VEGFC: variants seen among roughly 807,000 people sequenced by gnomAD.
The protein encoded by VEGFC is FLT4 ligand DHM.
VEGFC carries 12 observed loss-of-function variants against 46.1 expected under a neutral mutation model. The ratio of observed to expected loss-of-function variants is 0.26; its 90% CI spans 0.17 to 0.42. VEGFC has a LOEUF of 0.42. VEGFC is among the 10% of genes least tolerant of loss of function. VEGFC has a pLI of 1.00. For missense variants in VEGFC, 488 were observed against 529.4 expected, an observed-to-expected ratio of 0.92 and a Z score of 0.77; for synonymous variants, 232 against 195.5, an observed-to-expected ratio of 1.19 and a Z score of -1.56.
At chr4:176,727,630 A>T in intron 3 of VEGFC, 148 bp downstream of exon 3, 4 of 691,360 alleles carry the variant, frequency 5.8e-6, no homozygotes, top group Non-Finnish European at 8.7e-6. Flanking sequence ...AACACTGAAA[A>T]ACTGACTTCA....
At position 176,792,025 on chromosome 4, in the gene VEGFC, G is replaced by T; in HGVS notation, c.147+140C>A. On this transcript the variant is annotated intron_variant, in intron 1 of 6. Coordinates refer to ENST00000618562, the MANE Select transcript of VEGFC (RefSeq NM_005429.5). The surrounding 1 kb of genome is among the most constrained non-coding windows in gnomAD (Gnocchi z 6.3). ...AAGAAGAAGATTTTTCTCCAAAGCA[G>T]CGTGCACTGAGCTCAGTAACTTTGG... 8.6e-7 allele frequency: 1 copy of T among 1,157,282 alleles called. No individual in the cohort carries two copies. The highest frequency in any genetic ancestry group is 1.1e-6 in the Non-Finnish European group (1 of 895,586). The allele number at this position is 1,157,282 out of a possible 1,614,324, so 71.7% of individuals were successfully genotyped here.
intron 4 of VEGFC, among the ~76,000 whole-genome samples, chr4:176,705,559 GT>G (rs1025375815): frequency 7.9e-5 from 12 of 152,026 alleles, no homozygotes; most frequent in Non-Finnish European, 1.3e-4. Flanking sequence ...TTTCCTGGCA[GT>G]TTTTTTGGCT....
chr4:176,775,820 G>A (rs568633013), intron 1 of VEGFC, among the ~76,000 whole-genome samples: 21 of 152,020 alleles, frequency 1.4e-4, no homozygotes, highest in African/African-American at 4.1e-4. Flanking sequence ...TCCTCTCTCA[G>A]TTCTTTCTAG....
chr4:176,779,146 T>A (rs1214470758), intron 1 of VEGFC, among the ~76,000 whole-genome samples: 1 of 152,082 alleles, frequency 6.6e-6, no homozygotes, highest in East Asian at 1.9e-4. Flanking sequence ...TATAATAACA[T>A]CATGTATAAA....
chr4:176,718,674 A>T (rs970058246), intron 3 of VEGFC, among the ~76,000 whole-genome samples: 3 of 152,172 alleles, frequency 2.0e-5, no homozygotes, highest in African/African-American at 7.2e-5. Flanking sequence ...ACTAATGAAC[A>T]CAGCAAAGAA....
At chr4:176,718,843 G>C (rs1249660508) in intron 3 of VEGFC, among the ~76,000 whole-genome samples, 1 of 152,120 alleles carries the variant, frequency 6.6e-6, no homozygotes, top group Non-Finnish European at 1.5e-5. Context: ...AAAAGCAGAT[G>C]ACTTTCTTCT....
At chr4:176,711,080 A>G (rs951164093) in intron 4 of VEGFC, among the ~76,000 whole-genome samples, 6 of 152,276 alleles carry the variant, frequency 3.9e-5, no homozygotes, top group Non-Finnish European at 8.8e-5. Context: ...AAAGCAACTG[A>G]ATGCTAATAG....
At chr4:176,739,965 T>C (rs1735128521) in intron 1 of VEGFC, among the ~76,000 whole-genome samples, 1 of 16,772 alleles carries the variant, frequency 6.0e-5, no homozygotes, top group African/African-American at 8.8e-5. Context: ...ATATATTCGA[T>C]ATATCGAATA....
chr4:176,792,186 C>T lies in VEGFC; in HGVS notation c.126G>A (p.Glu42=). ...CTACCGTGGCCTCGCCCGCGTCGGGCTCCGCGTCCGAGAGGTCGAGTCCGG... is the reference window on the plus strand; with the variant it reads ...CTACCGTGGCCTCGCCCGCGTCGGGTTCCGCGTCCGAGAGGTCGAGTCCGG... ...FESGLDLSDA[E]PDAGEATAYA... Residue 42 remains glutamate (E), a synonymous_variant, in exon 1 of 7, where the codon GAG becomes GAA. Transcript: ENST00000618562. This position sits in a 1 kb window ranked among gnomAD's most constrained non-coding sequence, Gnocchi z 6.3. 1.3e-6 allele frequency: 2 copies of T among 1,526,958 alleles called. No homozygotes were observed. The highest frequency in any genetic ancestry group is 1.8e-6 in the Non-Finnish European group (2 of 1,141,662). The allele number at this position is 1,526,958 out of a possible 1,614,324, so 94.6% of individuals were successfully genotyped here.
At chr4:176,723,694 C>T (rs1734827707) in intron 3 of VEGFC, among the ~76,000 whole-genome samples, 2 of 141,346 alleles carry the variant, frequency 1.4e-5, no homozygotes, top group Admixed American at 1.5e-4. Flanking sequence ...AGATTTGCGA[C>T]ACAGGTAAAC....
chr4:176,743,847 T>C (rs1735218212), intron 1 of VEGFC, among the ~76,000 whole-genome samples: 3 of 151,900 alleles, frequency 2.0e-5, no homozygotes, highest in African/African-American at 7.2e-5. Context: ...ACCTCAGCAA[T>C]GTAAATGTGA....
intron 3 of VEGFC, among the ~76,000 whole-genome samples, chr4:176,726,626 A>G (rs1734878148): frequency 6.6e-6 from 1 of 152,188 alleles, no homozygotes; most frequent in Admixed American, 6.5e-5. Context: ...TCAGAGGCCA[A>G]ATGATCGTAA....
At chr4:176,749,768 CTT>C (rs1361987533) in intron 1 of VEGFC, among the ~76,000 whole-genome samples, 4 of 151,898 alleles carry the variant, frequency 2.6e-5, no homozygotes, top group South Asian at 4.1e-4. Context: ...GTCACTCCCT[CTT>C]GTTATACAGA....
At chr4:176,704,912 C>G (rs1734500248) in intron 4 of VEGFC, among the ~76,000 whole-genome samples, 1 of 152,084 alleles carries the variant, frequency 6.6e-6, no homozygotes, top group South Asian at 2.1e-4. Context: ...GTTTACATGT[C>G]TGGTTCAAGA....
chr4:176,740,360 T>G (rs1272602472), intron 1 of VEGFC, among the ~76,000 whole-genome samples: 1 of 121,118 alleles, frequency 8.3e-6, no homozygotes, highest in Admixed American at 9.4e-5. Context: ...TATATAGTTA[T>G]ATATATTCTA....
intron 1 of VEGFC, among the ~76,000 whole-genome samples, chr4:176,742,801 C>T (rs1457881371): frequency 6.6e-6 from 1 of 151,916 alleles, no homozygotes; most frequent in African/African-American, 2.4e-5. Flanking sequence ...TCAAATTCCC[C>T]CATGATTGTT....
At chr4:176,777,441 ATATAAAACTT>A in intron 1 of VEGFC, among the ~76,000 whole-genome samples, 1 of 152,214 alleles carries the variant, frequency 6.6e-6, no homozygotes, top group East Asian at 1.9e-4. Flanking sequence ...ACTATTGTCT[ATATAAAACTT>A]TTAAATACCT....
chr4:176,784,153 C>T (rs1735961589), intron 1 of VEGFC, among the ~76,000 whole-genome samples: 1 of 150,406 alleles, frequency 6.6e-6, no homozygotes, highest in Non-Finnish European at 1.5e-5. Flanking sequence ...ACTGCAACCT[C>T]CGCCTCCTGG....
At chr4:176,789,790 C>G (rs114748882) in intron 1 of VEGFC, among the ~76,000 whole-genome samples, 1 of 152,058 alleles carries the variant, frequency 6.6e-6, no homozygotes, top group African/African-American at 2.4e-5. Flanking sequence ...TGATTTTTAC[C>G]TACAATCTTT....
Sources: gnomAD v4.1 joint callset for allele counts (sites outside exome capture counted in the v4.1 genomes callset) on GRCh38, gnomAD v4.1.1 for gene constraint, Gnocchi (gnomAD v3.1) non-coding constraint, MANE v1.5 for transcripts, NCBI Gene and HGNC (gene_info 2026-07-23, HGNC 2026-07-21) for gene names.